Variants in ZFP62 observed in about 807,000 individuals in gnomAD.
ZFP62 encodes the protein zinc finger protein 62 homolog.
A neutral mutation model predicts 56.4 loss-of-function variants in ZFP62; 44 were observed. The observed-to-expected ratio is 0.78, with a 90% confidence interval of 0.61 to 1.00. The LOEUF (loss-of-function observed/expected upper bound fraction) is 1.00, where lower values mean the gene tolerates loss of function less well. Among genes scored for constraint, ZFP62 ranks in the 50% least tolerant of loss-of-function variants. The pLI, the probability that ZFP62 is intolerant of heterozygous loss-of-function variation, is 0.00. For missense variants in ZFP62, 1,030 were observed against 1,085.7 expected, an observed-to-expected ratio of 0.95 and a Z score of 0.72; for synonymous variants, 421 against 388.9, an observed-to-expected ratio of 1.08 and a Z score of -0.97.
At chr5:180,858,089 C>T (rs1188426354) in intron 1 of ZFP62, among the ~76,000 whole-genome samples, 5 of 44,038 alleles carry the variant, frequency 1.1e-4, no homozygotes, top group Non-Finnish European at 2.4e-4. Flanking sequence ...CCCATCTCTA[C>T]TAAAAAAAAA....
rs1265960601 is a variant in ZFP62 at position 180,850,566 on chromosome 5, T to G, written c.929A>C (p.Glu310Ala). ...KRIHTGEKPYECDECGKAFIT... is the reference protein window; with the variant it reads ...KRIHTGEKPYACDECGKAFIT... Reference sequence around the variant, plus strand: ...GAAGGCCTTCCCACACTCATCACATTCGTAAGGTTTCTCACCTGTGTGGAT... The same window carrying G: ...GAAGGCCTTCCCACACTCATCACATGCGTAAGGTTTCTCACCTGTGTGGAT... Residue 310 changes from glutamate (E) to alanine (A), a missense_variant, in exon 2 of 2, where the codon GAA becomes GCA. By Grantham distance (107) the Glu-to-Ala change is moderately radical. Coordinates refer to ENST00000502412, the MANE Select transcript of ZFP62 (RefSeq NM_001172638.2). 1.9e-6 allele frequency: 3 copies of G among 1,557,988 alleles called. No individual in the cohort carries two copies. Among genetic ancestry groups the G allele is most frequent in the Non-Finnish European group, 2.6e-6 (3 of 1,150,928 alleles).
At chr5:180,831,491 A>AGCC in the ZFP62 span, 6 of 150,462 alleles carry the variant, frequency 4.0e-5, no homozygotes, top group East Asian at 1.2e-3. Flanking sequence ...GGCTCCCTGC[A>AGCC]GCCGCCGCCT....
the ZFP62 span, among the ~76,000 whole-genome samples, chr5:180,837,554 CCT>C: frequency 6.6e-6 from 1 of 152,108 alleles, no homozygotes; most frequent in Admixed American, 6.5e-5. Flanking sequence ...GCTCCTAATC[CCT>C]GAGTTAACTT....
chr5:180,857,851 T>A (rs1167485388), intron 1 of ZFP62, among the ~76,000 whole-genome samples: 1 of 150,974 alleles, frequency 6.6e-6, no homozygotes, highest in Non-Finnish European at 1.5e-5. Context: ...TGGCATGGAA[T>A]CTGGAATTTA....
In ZFP62 at chr5:180,848,114, T is replaced by C. The variant is rs375067887; in HGVS notation, c.*678A>G. 118 of 985,338 alleles carry C rather than the reference T, an allele frequency of 1.2e-4. No homozygotes were observed. The South Asian group carries it at 1.4e-3, about 12-fold the overall frequency. 61.0% of individuals were successfully genotyped at this position (985,338 alleles called of 1,614,324 possible). A position where few individuals can be genotyped will look rare whatever the true frequency, so the allele number is the denominator to read the frequency against. ...AAAAGTTTCATCCATTCAACTAATG[T>C]ATCACAATAGTACGTTCATCAATTT... On this transcript the variant is annotated 3_prime_UTR_variant, in exon 2 of 2. Transcript: ENST00000502412.
chr5:180,839,224 G>A, the ZFP62 span, among the ~76,000 whole-genome samples: 2 of 152,156 alleles, frequency 1.3e-5, no homozygotes, highest in Non-Finnish European at 2.9e-5. Flanking sequence ...TCATATAAAG[G>A]CCTGGTATAG....
At chr5:180,861,188 C>A (rs946149701) in intron 1 of ZFP62, 31 bp downstream of exon 1, 2 of 398,160 alleles carry the variant, frequency 5.0e-6, no homozygotes, top group East Asian at 3.6e-5. Context: ...GGGCCGGGGG[C>A]GGGAGCGCGG....
downstream of ZFP62, among the ~76,000 whole-genome samples, chr5:180,847,300 T>C (rs1773437742): frequency 6.6e-6 from 1 of 152,170 alleles, no homozygotes; most frequent in South Asian, 2.1e-4. Context: ...TACACAGCAG[T>C]AGTTTATGTT....
At chr5:180,855,878 G>A (rs947920152) in intron 1 of ZFP62, among the ~76,000 whole-genome samples, 6 of 152,052 alleles carry the variant, frequency 3.9e-5, no homozygotes, top group Non-Finnish European at 8.8e-5. Flanking sequence ...AAGAATTTTT[G>A]TAAAATGCAC....
chr5:180,844,966 T>C (rs1773380050), downstream of ZFP62, among the ~76,000 whole-genome samples: 1 of 152,146 alleles, frequency 6.6e-6, no homozygotes, highest in African/African-American at 2.4e-5. Context: ...TCTAAGGACC[T>C]TAACACTATT....
chr5:180,847,101 G>A (rs1474816111), downstream of ZFP62, among the ~76,000 whole-genome samples: 1 of 152,202 alleles, frequency 6.6e-6, no homozygotes, highest in Non-Finnish European at 1.5e-5. Flanking sequence ...AGAGATAGGA[G>A]TCCCAGAAGG....
At position 180,849,722 on chromosome 5, in the gene ZFP62, A is replaced by G; in HGVS notation, c.1773T>C (p.Cys591=). Residue 591 remains cysteine (C), a synonymous_variant, in exon 2 of 2, where the codon TGT becomes TGC. Transcript: ENST00000502412. ...SVHPGEKPFK[C]DECEKAFITY... is the part of the protein sequence containing the mutation. ...TGATGAAGGCCTTCTCACACTCGTC[A>G]CACTTAAAGGGCTTCTCCCCAGGGT... 1 of 1,551,908 alleles carries G rather than the reference A, an allele frequency of 6.4e-7. No homozygotes were observed. Among genetic ancestry groups the G allele is most frequent in the Non-Finnish European group, 8.7e-7 (1 of 1,147,084 alleles).
chr5:180,847,476 G>A (rs1302634436), downstream of ZFP62: 11 of 563,334 alleles, frequency 2.0e-5, no homozygotes, highest in Non-Finnish European at 2.5e-5. Flanking sequence ...TCTAACTTCT[G>A]GTGAAACCAG....
chr5:180,860,782 A>G (rs928371481), intron 1 of ZFP62: 5 of 184,990 alleles, frequency 2.7e-5, no homozygotes, highest in Non-Finnish European at 4.4e-5. Flanking sequence ...CCTCGCAATC[A>G]CTCTCAAGTC....
In ZFP62 at chr5:180,848,454, T is replaced by C; in HGVS notation, c.*338A>G. ...AATTTACCAAACATGAACTTTCTGA[T>C]GGTGATTACGTAACTTCTAATTGAA... On this transcript the variant is annotated 3_prime_UTR_variant, in exon 2 of 2. Transcript: ENST00000502412. 7 of 1,032,452 alleles carry C rather than the reference T, an allele frequency of 6.8e-6. No homozygotes were observed. The highest frequency in any genetic ancestry group is 8.1e-6 in the Non-Finnish European group (7 of 860,580). The allele number at this position is 1,032,452 out of a possible 1,614,324, so 64.0% of individuals were successfully genotyped here.
In ZFP62 at chr5:180,848,999, C is replaced by G; in HGVS notation, c.2496G>C (p.Arg832Ser). 6.4e-7 allele frequency: 1 copy of G among 1,551,762 alleles called. No individual in the cohort carries two copies. Among genetic ancestry groups the G allele is most frequent in the Non-Finnish European group, 8.7e-7 (1 of 1,146,970 alleles). The part of the protein sequence containing the change: ...NYRSVLDQHK[R>S]IHTGKKPYRC... Reference sequence around the variant, plus strand: ...GGTATGGCTTCTTTCCAGTGTGGATCCTTTTGTGCTGGTCAAGGACTGATC... The same window carrying G: ...GGTATGGCTTCTTTCCAGTGTGGATGCTTTTGTGCTGGTCAAGGACTGATC... The change falls in exon 2 of 2, where the codon AGG becomes AGC. Residue 832 changes from arginine to serine, a missense_variant. Arg to Ser is a moderately radical substitution (Grantham distance 110). Transcript: ENST00000502412.
chr5:180,831,118 TG>T, the ZFP62 span: 2 of 152,850 alleles, frequency 1.3e-5, no homozygotes, highest in African/African-American at 4.8e-5. Flanking sequence ...GCTGCCTCTG[TG>T]GAAGTCTCTC....
downstream of ZFP62, among the ~76,000 whole-genome samples, chr5:180,843,067 T>TA (rs1425106470): frequency 2.7e-5 from 4 of 149,328 alleles, no homozygotes; most frequent in African/African-American, 9.9e-5. Context: ...ATAAATAAAT[T>TA]TAAAAAAAAA....
chr5:180,828,789 G>T, the ZFP62 span, among the ~76,000 whole-genome samples: 1 of 152,212 alleles, frequency 6.6e-6, no homozygotes, highest in South Asian at 2.1e-4. Flanking sequence ...GGCAAAAAGA[G>T]CCATATTTTT....
Sources: allele counts gnomAD v4.1 joint callset (sites outside exome capture counted in the v4.1 genomes callset), GRCh38; gene constraint gnomAD v4.1.1; transcripts MANE v1.5; gene names NCBI Gene and HGNC (gene_info 2026-07-23, HGNC 2026-07-21).